The following IGFN1 variants were observed in gnomAD, a reference collection of about 807,000 sequenced individuals.
IGFN1 encodes immunoglobulin-like and fibronectin type III domain-containing protein 1.
In IGFN1, 253 loss-of-function variants were observed where a neutral mutation model predicts 289.5. The observed-to-expected ratio is 0.87, with a 90% CI of 0.79 to 0.97. IGFN1 has a LOEUF of 0.97. Among genes scored for constraint, IGFN1 ranks in the 50% least tolerant of loss-of-function variants. IGFN1 has a pLI of 0.00. For synonymous variants in IGFN1, 1,706 were observed against 1,788.5 expected (o/e 0.95, Z 1.16); for missense variants, 4,470 against 4,686.1 (o/e 0.95, Z 1.35).
At chr1:201,191,513 T>C (rs1460775673) in intron 1 of IGFN1, among the ~76,000 whole-genome samples, 1 of 152,204 alleles carries the variant, frequency 6.6e-6, no homozygotes, top group East Asian at 1.9e-4. Flanking sequence ...TGTTTCCTTC[T>C]GGGAAGAACT....
Position 201,207,375 on chromosome 1 carries a change from G to T in IGFN1, c.2482G>T (p.Gly828Cys). Residue 828 changes from glycine to cysteine, a missense_variant, in exon 12 of 24, where the codon GGT becomes TGT. By Grantham distance (159) the Gly-to-Cys change is radical. Around this residue, in one of 8 missense-constraint regions of IGFN1, gnomAD observed 2,011 missense variants for 1,953.4 expected, o/e 1.03. Coordinates refer to ENST00000335211, the MANE Select transcript of IGFN1 (RefSeq NM_001164586.2). ...GWTAGHRAAGGIGRIESKGTS... is the reference protein window; with the variant it reads ...GWTAGHRAAGCIGRIESKGTS... ...GACAGCAGGTCACAGAGCAGCAGGGGGTATTGGCAGAATAGAATCTAAGGG... is the reference window on the plus strand; with the variant it reads ...GACAGCAGGTCACAGAGCAGCAGGGTGTATTGGCAGAATAGAATCTAAGGG... The T allele has an allele frequency of 6.5e-7, 1 of 1,536,764 alleles. No individual in the cohort carries two copies. Among genetic ancestry groups the T allele is most frequent in the African/African-American group, 1.4e-5 (1 of 73,128 alleles).
chr1:201,215,590 T>C lies in IGFN1; in HGVS notation c.9047T>C (p.Val3016Ala), dbSNP rs767541770. The part of the protein sequence containing the change: ...DVTEKLREPL[V>A]VKAGKPVIVK... Reference sequence around the variant, plus strand: ...ACAGAGAAACTGAGAGAGCCACTGGTGGTCAAGGCTGGGAAGCCGGTGATA... The same window carrying C: ...ACAGAGAAACTGAGAGAGCCACTGGCGGTCAAGGCTGGGAAGCCGGTGATA... Residue 3016 changes from valine (V) to alanine (A), a missense_variant, in exon 15 of 24, where the codon GTG (valine) becomes GCG (alanine). Val to Ala is a moderately conservative substitution (Grantham distance 64). This residue lies in a region of IGFN1 where 2,218 missense variants were observed against 2,114.1 expected (regional missense o/e 1.05). Transcript: ENST00000335211. 13 of 1,609,506 alleles carry C rather than the reference T, an allele frequency of 8.1e-6. No individual in the cohort carries two copies. Among genetic ancestry groups the C allele is most frequent in the Non-Finnish European group, 1.1e-5 (13 of 1,178,068 alleles).
At position 201,203,732 on chromosome 1, in the gene IGFN1, C is replaced by G. The variant is rs1165803202; in HGVS notation, c.748-6C>G. 1.9e-6 allele frequency: 3 copies of G among 1,551,232 alleles called. No individual in the cohort carries two copies. In the East Asian group the frequency reaches 7.3e-5, roughly 38 times the overall value. On this transcript the variant is annotated splice_region_variant and splice_polypyrimidine_tract_variant and intron_variant, in intron 9 of 23. Transcript: ENST00000335211. ...GGCCCGCCTCCTCTTCCTTTTCTGGCCTTAGGATGGTGAGATGATCCCCTA... is the reference window on the plus strand; with the variant it reads ...GGCCCGCCTCCTCTTCCTTTTCTGGGCTTAGGATGGTGAGATGATCCCCTA...
rs1237533338 is a variant in IGFN1 at position 201,211,823 on chromosome 1, T to C, written c.6930T>C (p.Asp2310=). Residue 2310 remains aspartate, a synonymous_variant, in exon 12 of 24, where the codon GAT becomes GAC. Coordinates refer to ENST00000335211, the MANE Select transcript of IGFN1 (RefSeq NM_001164586.2). ...SEAGSRGSLE[D]SGYILSWNEA... is the part of the protein sequence containing the mutation. The stretch of plus-strand genomic sequence containing the variant: ...CAGGTTCTAGGGGTAGTTTGGAGGA[T>C]TCTGGGTACATTTTGTCATGGAATG... 6.5e-7 allele frequency: 1 copy of C among 1,536,430 alleles called. No homozygotes were observed. The highest frequency in any genetic ancestry group is 8.7e-7 in the Non-Finnish European group (1 of 1,146,638).
At chr1:201,194,063 G>T (rs1107128) in intron 2 of IGFN1, 91 bp from the exon 3 acceptor site, 878,791 of 1,453,002 alleles carry the variant, frequency 0.6, 270,197 homozygotes, top group East Asian at 0.84. Context: ...TCTTGCTCCT[G>T]GGGTGAGTGG....
intron 5 of IGFN1, among the ~76,000 whole-genome samples, chr1:201,198,387 C>T (rs1000653436): frequency 2.3e-4 from 35 of 152,190 alleles, no homozygotes; most frequent in African/African-American, 7.0e-4. Flanking sequence ...CCACCTGCCT[C>T]GGCCTCCCAA....
At position 201,213,078 on chromosome 1, in the gene IGFN1, C is replaced by T. The variant is rs766607173; in HGVS notation, c.8185C>T (p.Pro2729Ser). 13 of 1,551,646 alleles carry T rather than the reference C, an allele frequency of 8.4e-6. No homozygotes were observed. Among genetic ancestry groups the T allele is most frequent in the Middle Eastern group, 1.7e-4 (1 of 5,990 alleles). Residue 2729 changes from proline (P) to serine (S), a missense_variant, in exon 12 of 24, where the codon CCT becomes TCT. Transcript: ENST00000335211. ...TEWGNALTPK[P>S]GESGPQGAWN... Reference sequence around the variant, plus strand: ...GTGGGGGAATGCCCTCACCCCAAAACCTGGGGAGTCCGGACCTCAGGGAGC... The same window carrying T: ...GTGGGGGAATGCCCTCACCCCAAAATCTGGGGAGTCCGGACCTCAGGGAGC...
At chr1:201,214,142 G>A (rs1288234403) in intron 12 of IGFN1, 35 bp from the exon 13 acceptor site, 5 of 1,569,372 alleles carry the variant, frequency 3.2e-6, no homozygotes, top group African/African-American at 2.7e-5. Context: ...GGCCTGGGGC[G>A]CTCGGCCCTG....
rs375429972 is a variant in IGFN1 at position 201,206,158 on chromosome 1, C to T, written c.1265C>T (p.Ala422Val). ...LQRQGAQASG[A>V]EESGSIESQG... ...AGGCAAGGAGCCCAGGCATCAGGAG[C>T]AGAAGAGTCTGGGAGCATCGAGAGC... Residue 422 changes from alanine (A) to valine (V), a missense_variant, in exon 12 of 24, where the codon GCA becomes GTA. By Grantham distance (64) the Ala-to-Val change is moderately conservative (BLOSUM62 0). Coordinates refer to ENST00000335211, the MANE Select transcript of IGFN1 (RefSeq NM_001164586.2). 1.0e-4 allele frequency: 156 copies of T among 1,550,684 alleles called. No individual in the cohort carries two copies. The highest frequency in any genetic ancestry group is 1.2e-4 in the Non-Finnish European group (140 of 1,146,906).
chr1:201,228,556 G>A lies in IGFN1; in HGVS notation c.*157G>A. Reference sequence around the variant, plus strand: ...GGCGAGGTTTTGGCCAGGAGGACGTGAAGTCCTTGGGGAAGAAAAACAAGG... The same window carrying A: ...GGCGAGGTTTTGGCCAGGAGGACGTAAAGTCCTTGGGGAAGAAAAACAAGG... On this transcript the variant is annotated 3_prime_UTR_variant, in exon 24 of 24. Coordinates refer to ENST00000335211, the MANE Select transcript of IGFN1 (RefSeq NM_001164586.2). 2.6e-6 allele frequency: 2 copies of A among 767,802 alleles called. No individual in the cohort carries two copies. Among genetic ancestry groups the A allele is most frequent in the East Asian group, 2.5e-5 (1 of 39,820 alleles). The allele number at this position is 767,802 out of a possible 1,614,324, so 47.6% of individuals were successfully genotyped here. A position where few individuals can be genotyped will look rare whatever the true frequency, so the allele number is the denominator to read the frequency against.
chr1:201,228,752 G>A lies in IGFN1; in HGVS notation c.*353G>A. The A allele has an allele frequency of 3.2e-6, 1 of 310,990 alleles. No homozygotes were observed. The highest frequency in any genetic ancestry group is 6.1e-6 in the Non-Finnish European group (1 of 163,976). 19.3% of individuals were successfully genotyped at this position (310,990 alleles called of 1,614,324 possible). A position where few individuals can be genotyped will look rare whatever the true frequency, so the allele number is the denominator to read the frequency against. On this transcript the variant is annotated 3_prime_UTR_variant, in exon 24 of 24. Coordinates refer to ENST00000335211, the MANE Select transcript of IGFN1 (RefSeq NM_001164586.2). ...ATTTTCCTGGGCTGAGCCGTTTGGA[G>A]GGAGGGTGGGCACAGCTGGGCCTGC...
intron 20 of IGFN1, among the ~76,000 whole-genome samples, chr1:201,224,222 A>C (rs931028204): frequency 2.0e-5 from 3 of 152,146 alleles, no homozygotes; most frequent in African/African-American, 7.2e-5. Context: ...GACTATTGCC[A>C]AATTATCTCC....
chr1:201,227,451 G>C (rs1277012257), intron 23 of IGFN1, among the ~76,000 whole-genome samples: 2 of 150,562 alleles, frequency 1.3e-5, no homozygotes, highest in Non-Finnish European at 2.9e-5. Flanking sequence ...TTTTGAGACG[G>C]AGTTTCGCTC....
In IGFN1 at chr1:201,227,211, A is replaced by G; in HGVS notation, c.11113+3A>G. 1.3e-6 allele frequency: 2 copies of G among 1,566,442 alleles called. No individual in the cohort carries two copies. The highest frequency in any genetic ancestry group is 8.7e-7 in the Non-Finnish European group (1 of 1,153,780). ...CACTGCCACCCTCATTGTCATAGGT[A>G]ATGGTGGCTGCCCTGGCAGTGGGGC... On this transcript the variant is annotated splice_donor_region_variant and intron_variant, in intron 23 of 23. Transcript: ENST00000335211.
At position 201,209,236 on chromosome 1, in the gene IGFN1, G is replaced by A. The variant is rs1468235413; in HGVS notation, c.4343G>A (p.Gly1448Asp). ...GCAGGTTATAGGGATGGCTTAAGGG[G>A]TTCTGGAGAAATGAGGTCAATGGAT... ...SKAGYRDGLR[G>D]SGEMRSMDEA... Residue 1448 changes from glycine (G) to aspartate (D), a missense_variant, in exon 12 of 24, where the codon GGT becomes GAT. Transcript: ENST00000335211. 1 of 1,485,640 alleles carries A rather than the reference G, an allele frequency of 6.7e-7. No individual in the cohort carries two copies. The allele number at this position is 1,485,640 out of a possible 1,614,324, so 92.0% of individuals were successfully genotyped here.
chr1:201,218,365 G>C (rs1411449618), intron 17 of IGFN1, among the ~76,000 whole-genome samples, 165 bp from the exon 18 acceptor site: 1 of 152,234 alleles, frequency 6.6e-6, no homozygotes, highest in African/African-American at 2.4e-5. Context: ...CCTGAGCAGT[G>C]CTCTTTCCAC....
chr1:201,200,810 G>T (rs867556164), intron 8 of IGFN1, among the ~76,000 whole-genome samples: 2 of 151,414 alleles, frequency 1.3e-5, no homozygotes, highest in African/African-American at 2.4e-5. Flanking sequence ...TTGCGGGGGG[G>T]AGGTACCTGG....
intron 2 of IGFN1, among the ~76,000 whole-genome samples, chr1:201,193,680 G>T (rs1218482509): frequency 6.6e-6 from 1 of 152,188 alleles, no homozygotes; most frequent in African/African-American, 2.4e-5. Context: ...TCGAATGCCT[G>T]ACCTCAGGTG....
rs1050603227 is a variant in IGFN1, at chr1:201,212,756, G to A, written c.7863G>A (p.Thr2621=). The change falls in exon 12 of 24, where the codon ACG becomes ACA. Residue 2621 remains threonine, a synonymous_variant. Coordinates refer to ENST00000335211, the MANE Select transcript of IGFN1 (RefSeq NM_001164586.2). ...CAGGGCCTGCTGATAGACAAGGGACGAGCAATGCTTGGGCTCCTGATTGGG... is the reference window on the plus strand; with the variant it reads ...CAGGGCCTGCTGATAGACAAGGGACAAGCAATGCTTGGGCTCCTGATTGGG... ...STSGPADRQG[T]SNAWAPDWEN... is the part of the protein sequence containing the mutation. 18 of 1,551,542 alleles carry A rather than the reference G, an allele frequency of 1.2e-5. No homozygotes were observed. Among genetic ancestry groups the A allele is most frequent in the Non-Finnish European group, 1.4e-5 (16 of 1,146,906 alleles).
Sources: gnomAD v4.1 joint callset for allele counts (sites outside exome capture counted in the v4.1 genomes callset) on GRCh38, gnomAD v4.1.1 for gene constraint, gnomAD v4.1.1 regional missense constraint, MANE v1.5 for transcripts, NCBI Gene and HGNC (gene_info 2026-07-23, HGNC 2026-07-21) for gene names.